LHFPL2: variants seen among roughly 807,000 people sequenced by gnomAD.
The protein encoded by LHFPL2 is LHFPL tetraspan subfamily member 2 protein.
In LHFPL2, 7 loss-of-function variants were observed where a neutral mutation model predicts 17.5. The observed-to-expected ratio is 0.40, with a 90% CI of 0.23 to 0.75. LHFPL2 has a LOEUF of 0.75. Ranked by LOEUF, LHFPL2 falls within the 30% of genes least tolerant of loss-of-function variation. LHFPL2 has a pLI of 0.37. For missense variants in LHFPL2, 241 were observed against 294.8 expected, an observed-to-expected ratio of 0.82 and a Z score of 1.34; for synonymous variants, 134 against 116.2, an observed-to-expected ratio of 1.15 and a Z score of -0.99.
intron 1 of LHFPL2, among the ~76,000 whole-genome samples, chr5:78,646,009 T>C (rs980566058): frequency 6.6e-6 from 1 of 152,246 alleles, no homozygotes; most frequent in African/African-American, 2.4e-5. Context: ...GAGGCACTTA[T>C]CATGTTCATT....
chr5:78,583,520 T>G (rs1269602599), intron 2 of LHFPL2, among the ~76,000 whole-genome samples: 3 of 150,450 alleles, frequency 2.0e-5, no homozygotes, highest in Admixed American at 6.6e-5. Flanking sequence ...TGTAAAGTAT[T>G]TTATTTCTCC....
intron 2 of LHFPL2, among the ~76,000 whole-genome samples, chr5:78,624,252 T>A (rs1316511246): frequency 6.6e-6 from 1 of 152,090 alleles, no homozygotes; most frequent in Non-Finnish European, 1.5e-5. Context: ...CACCGGGAGA[T>A]GGGCTGTCTG....
intron 3 of LHFPL2, among the ~76,000 whole-genome samples, chr5:78,526,445 A>G (rs1755623453): frequency 6.6e-6 from 1 of 152,232 alleles, no homozygotes; most frequent in Non-Finnish European, 1.5e-5. Flanking sequence ...TTGTGAGACA[A>G]AGCCTGGCAA....
intron 4 of LHFPL2, among the ~76,000 whole-genome samples, chr5:78,498,950 A>G (rs970582423): frequency 6.6e-5 from 10 of 152,332 alleles, no homozygotes; most frequent in African/African-American, 2.4e-4. Flanking sequence ...AAACGTGTTG[A>G]TAGTGGTAAA....
intron 1 of LHFPL2, among the ~76,000 whole-genome samples, chr5:78,647,472 C>G (rs1325925515): frequency 6.6e-6 from 1 of 152,192 alleles, no homozygotes. Context: ...CTCTGGCTCG[C>G]CGGAATCTTT....
intron 4 of LHFPL2, among the ~76,000 whole-genome samples, chr5:78,504,507 T>TA (rs1310503800): frequency 2.0e-5 from 3 of 152,088 alleles, no homozygotes; most frequent in African/African-American, 7.2e-5. Flanking sequence ...CCTTGATGCT[T>TA]AAGGTGATTT....
intron 2 of LHFPL2, among the ~76,000 whole-genome samples, chr5:78,568,206 A>G (rs189187816): frequency 7.2e-5 from 11 of 152,290 alleles, no homozygotes; most frequent in Admixed American, 7.2e-4. Context: ...TTATCTGTAT[A>G]TATGTATATT....
intron 3 of LHFPL2, among the ~76,000 whole-genome samples, chr5:78,550,678 C>T (rs1430829879): frequency 1.3e-5 from 2 of 152,268 alleles, no homozygotes; most frequent in South Asian, 4.1e-4. Context: ...TCAAGAAATT[C>T]TCTTGCCTCA....
At chr5:78,522,517 T>C (rs1415660730) in intron 3 of LHFPL2, among the ~76,000 whole-genome samples, 1 of 152,242 alleles carries the variant, frequency 6.6e-6, no homozygotes, top group African/African-American at 2.4e-5. Context: ...AATATACGTT[T>C]GCTGACACTT....
At chr5:78,542,642 C>T (rs1756147986) in intron 3 of LHFPL2, among the ~76,000 whole-genome samples, 1 of 152,188 alleles carries the variant, frequency 6.6e-6, no homozygotes, top group South Asian at 2.1e-4. Flanking sequence ...AGCTCAAGGC[C>T]ACCTCTTCCA....
chr5:78,629,546 T>C (rs1745170629), intron 2 of LHFPL2, among the ~76,000 whole-genome samples: 2 of 152,222 alleles, frequency 1.3e-5, no homozygotes, highest in Non-Finnish European at 2.9e-5. Flanking sequence ...CTTTGCTTCC[T>C]CTTTAAGGAA....
chr5:78,560,972 T>A (rs1756710543), intron 3 of LHFPL2, among the ~76,000 whole-genome samples: 1 of 152,216 alleles, frequency 6.6e-6, no homozygotes, highest in Non-Finnish European at 1.5e-5. Context: ...AAGCATAAAC[T>A]AATTTTAATA....
chr5:78,621,388 C>T (rs1280994128), intron 2 of LHFPL2, among the ~76,000 whole-genome samples: 1 of 150,404 alleles, frequency 6.6e-6, no homozygotes, highest in African/African-American at 2.4e-5. Flanking sequence ...ACCTCTCCAC[C>T]CATTCCTAAG....
chr5:78,555,536 G>A (rs937200418), intron 3 of LHFPL2, among the ~76,000 whole-genome samples: 6 of 152,374 alleles, frequency 3.9e-5, no homozygotes, highest in Middle Eastern at 3.4e-3. Flanking sequence ...GTGGGCAGAG[G>A]GGGAAAGAGG....
At chr5:78,562,401 C>T (rs1756751602) in intron 3 of LHFPL2, among the ~76,000 whole-genome samples, 1 of 152,086 alleles carries the variant, frequency 6.6e-6, no homozygotes, top group Admixed American at 6.5e-5. Context: ...AACCTTCCAC[C>T]AAGTTCATAT....
intron 3 of LHFPL2, among the ~76,000 whole-genome samples, chr5:78,542,582 C>T (rs1446929710): frequency 6.6e-6 from 1 of 152,206 alleles, no homozygotes; most frequent in Admixed American, 6.5e-5. Context: ...CATGCCACCT[C>T]TTCCACCCTC....
chr5:78,618,054 A>C (rs995429741), intron 2 of LHFPL2, among the ~76,000 whole-genome samples: 2 of 152,096 alleles, frequency 1.3e-5, no homozygotes, highest in Non-Finnish European at 2.9e-5. Flanking sequence ...AAATACAAAA[A>C]TTAGCCAGGC....
At chr5:78,535,945 G>A (rs1402998430) in intron 3 of LHFPL2, among the ~76,000 whole-genome samples, 2 of 152,162 alleles carry the variant, frequency 1.3e-5, no homozygotes, top group Non-Finnish European at 2.9e-5. Context: ...TATGCCCTAC[G>A]GGGACCTAGG....
Position 78,487,100 on chromosome 5 carries a change from A to ACAT in LHFPL2, c.*1794_*1796dup, listed in dbSNP as rs899041484. On this transcript the variant is annotated 3_prime_UTR_variant, in exon 5 of 5. Transcript: ENST00000380345. ...TTTCTTCACCAAAATCACAGGATTT[A>ACAT]CATCTCACTCACTTTGAATTTTGGT... 1.2e-4 allele frequency: 18 copies of ACAT among 152,256 alleles called. No homozygotes were observed. Among genetic ancestry groups the ACAT allele is most frequent in the Admixed American group, 3.3e-4 (5 of 15,272 alleles). 9.4% of individuals were successfully genotyped at this position (152,256 alleles called of 1,614,324 possible).
Sources: allele counts gnomAD v4.1 joint callset (sites outside exome capture counted in the v4.1 genomes callset), GRCh38; gene constraint gnomAD v4.1.1; transcripts MANE v1.5; gene names NCBI Gene and HGNC (gene_info 2026-07-23, HGNC 2026-07-21).